CLIC5: variants seen among roughly 807,000 people sequenced by gnomAD.
CLIC5 encodes the protein chloride intracellular channel protein 5.
A neutral mutation model predicts 24.7 loss-of-function variants in CLIC5; 20 were observed. The ratio of observed to expected loss-of-function variants is 0.81; its 90% CI spans 0.57 to 1.18. The LOEUF (loss-of-function observed/expected upper bound fraction) is 1.18, where lower values mean the gene tolerates loss of function less well. CLIC5 is among the 50% of genes most tolerant of loss of function. The pLI, the probability that CLIC5 is intolerant of heterozygous loss-of-function variation, is 0.00. For synonymous variants in CLIC5, 159 were observed against 135.6 expected (o/e 1.17, Z -1.20); for missense variants, 341 against 326.1 (o/e 1.05, Z -0.35).
the CLIC5 span, among the ~76,000 whole-genome samples, chr6:46,096,642 C>T: frequency 6.6e-6 from 1 of 152,140 alleles, no homozygotes; most frequent in Admixed American, 6.5e-5. Context: ...TGCAAGAGAG[C>T]ATACTCCTGT....
intron 5 of CLIC5, among the ~76,000 whole-genome samples, chr6:45,905,942 T>C (rs1762648160): frequency 6.6e-6 from 1 of 152,212 alleles, no homozygotes; most frequent in Admixed American, 6.5e-5. Flanking sequence ...TAGTCAGCTA[T>C]TCCAAAACCA....
the CLIC5 span, among the ~76,000 whole-genome samples, chr6:46,107,941 G>A: frequency 6.6e-6 from 1 of 150,394 alleles, no homozygotes; most frequent in Non-Finnish European, 1.5e-5. Context: ...GGCTGAGGCA[G>A]GAGAATTGCT....
At chr6:46,000,798 C>T (rs1013639514) in intron 1 of CLIC5, among the ~76,000 whole-genome samples, 6 of 152,280 alleles carry the variant, frequency 3.9e-5, no homozygotes, top group Admixed American at 2.0e-4. Context: ...TACCTCCCAT[C>T]GGGTCTCTCC....
At chr6:45,998,795 G>A (rs188026818) in intron 1 of CLIC5, among the ~76,000 whole-genome samples, 9 of 152,220 alleles carry the variant, frequency 5.9e-5, no homozygotes, top group East Asian at 1.9e-4. Flanking sequence ...TGCCACATTC[G>A]TTCAATTCCT....
intron 1 of CLIC5, among the ~76,000 whole-genome samples, chr6:45,973,690 G>A (rs1765278167): frequency 6.6e-6 from 1 of 152,214 alleles, no homozygotes; most frequent in South Asian, 2.1e-4. Flanking sequence ...TGTAATCCCA[G>A]CACTTTGGGA....
intron 1 of CLIC5, among the ~76,000 whole-genome samples, chr6:46,043,908 T>A (rs1414261111): frequency 6.6e-6 from 1 of 152,214 alleles, no homozygotes; most frequent in East Asian, 1.9e-4. Context: ...AGCCCACTCT[T>A]CAGTTCACAG....
intron 1 of CLIC5, among the ~76,000 whole-genome samples, chr6:46,002,600 T>C (rs898540339): frequency 2.0e-5 from 3 of 152,170 alleles, no homozygotes; most frequent in African/African-American, 4.8e-5. Flanking sequence ...TCCCAGATAA[T>C]GTGTCAGCTG....
intron 4 of CLIC5, chr6:45,919,004 G>A (rs1763143621): frequency 8.1e-6 from 8 of 985,410 alleles, no homozygotes; most frequent in Non-Finnish European, 9.6e-6. Context: ...CTCCTGGGAC[G>A]TACAATGGAA....
chr6:46,096,726 A>G, the CLIC5 span, among the ~76,000 whole-genome samples: 3 of 152,206 alleles, frequency 2.0e-5, no homozygotes, highest in African/African-American at 7.2e-5. Context: ...AAAGACTTCT[A>G]ATGAAAATGT....
At chr6:45,970,637 A>T (rs1765170208) in intron 1 of CLIC5, among the ~76,000 whole-genome samples, 1 of 152,192 alleles carries the variant, frequency 6.6e-6, no homozygotes. Flanking sequence ...GGTTATTTTC[A>T]AAAAGGGAAT....
At position 46,072,900 on chromosome 6, in the gene CLIC5, G is replaced by T. The variant is rs549256510; in HGVS notation, c.540+6803C>A. ...ATCTGGCACAAATATTTTTGCATAG[G>T]GTTCTAGAATGTTCCTCAACCTTCT... is the stretch of plus-strand genomic sequence containing the variant. On this transcript the variant is annotated intron_variant, in intron 1 of 5. Transcript: ENST00000185206. Among the ~76,000 whole-genome samples the T allele has an allele frequency of 3.9e-5, 6 of 152,198 alleles. No homozygotes were observed. In the South Asian group the frequency reaches 1.2e-3, roughly 32 times the overall value.
intron 1 of CLIC5, among the ~76,000 whole-genome samples, chr6:45,966,460 T>C (rs980353923): frequency 3.9e-5 from 6 of 152,326 alleles, no homozygotes; most frequent in Non-Finnish European, 5.9e-5. Flanking sequence ...TGACAACTTC[T>C]GACCTAGTGG....
the CLIC5 span, among the ~76,000 whole-genome samples, chr6:46,126,240 A>G: frequency 6.6e-6 from 1 of 152,174 alleles, no homozygotes; most frequent in African/African-American, 2.4e-5. Context: ...AAGGAGGAGG[A>G]ATGAATGCTG....
chr6:46,110,709 A>G, the CLIC5 span, among the ~76,000 whole-genome samples: 1 of 152,164 alleles, frequency 6.6e-6, no homozygotes, highest in Non-Finnish European at 1.5e-5. Flanking sequence ...CCTCAAGAAT[A>G]AAAGAATTTA....
intron 1 of CLIC5, among the ~76,000 whole-genome samples, chr6:45,999,603 T>TAAGGCC (rs1766275419): frequency 1.3e-5 from 2 of 152,068 alleles, no homozygotes; most frequent in Admixed American, 6.6e-5. Context: ...CCCGAGAGAA[T>TAAGGCC]AAGGCCAACC....
chr6:46,067,750 A>G (rs967825420), intron 1 of CLIC5, among the ~76,000 whole-genome samples: 3 of 152,150 alleles, frequency 2.0e-5, no homozygotes, highest in Non-Finnish European at 4.4e-5. Context: ...CCTGAGAACT[A>G]AAGAGATGAA....
the CLIC5 span, among the ~76,000 whole-genome samples, chr6:46,093,261 C>T: frequency 6.6e-6 from 1 of 152,142 alleles, no homozygotes; most frequent in South Asian, 2.1e-4. Flanking sequence ...CTATCTTGCC[C>T]CATTTTTCCA....
At chr6:45,965,850 G>T (rs1452317829) in intron 1 of CLIC5, among the ~76,000 whole-genome samples, 1 of 152,160 alleles carries the variant, frequency 6.6e-6, no homozygotes, top group Non-Finnish European at 1.5e-5. Context: ...TCTTGATCGT[G>T]AATCCATTCC....
chr6:46,001,230 G>A (rs1351959103), intron 1 of CLIC5, among the ~76,000 whole-genome samples: 1 of 152,146 alleles, frequency 6.6e-6, no homozygotes, highest in Non-Finnish European at 1.5e-5. Flanking sequence ...GGGTAGGTGG[G>A]TACCAAGAGA....
Sources: gnomAD v4.1 joint callset for allele counts (sites outside exome capture counted in the v4.1 genomes callset) on GRCh38, gnomAD v4.1.1 for gene constraint, MANE v1.5 for transcripts, NCBI Gene and HGNC (gene_info 2026-07-23, HGNC 2026-07-21) for gene names.